The following PATL1 variants were observed in gnomAD, a reference collection of about 807,000 sequenced individuals.
The protein encoded by PATL1 is protein PAT1 homolog 1.
Under a neutral mutation model 100.6 loss-of-function variants are expected in PATL1, and 32 were observed. The ratio of observed to expected loss-of-function variants is 0.32; its 90% CI spans 0.24 to 0.43. The LOEUF (loss-of-function observed/expected upper bound fraction) is 0.43, where lower values mean the gene tolerates loss of function less well. Among genes scored for constraint, PATL1 ranks in the 20% least tolerant of loss-of-function variants. The pLI, the probability that PATL1 is intolerant of heterozygous loss-of-function variation, is 1.00. For missense variants in PATL1, 747 were observed against 949.9 expected (o/e 0.79, Z 2.81); for synonymous variants, 332 against 330.0 (o/e 1.01, Z -0.07).
In PATL1 at chr11:59,659,301, A is replaced by G; in HGVS notation, c.296T>C (p.Leu99Pro). 6.4e-7 allele frequency: 1 copy of G among 1,551,436 alleles called. No individual in the cohort carries two copies. The highest frequency in any genetic ancestry group is 8.7e-7 in the Non-Finnish European group (1 of 1,146,816). Residue 99 changes from leucine to proline, a missense_variant, in exon 3 of 19, where the codon CTA becomes CCA. Leu to Pro is a moderately conservative substitution (Grantham distance 98). Coordinates refer to ENST00000300146, the MANE Select transcript of PATL1 (RefSeq NM_152716.3). ...RLSKMVIENELEDPAIMRAVQ... is the reference protein window; with the variant it reads ...RLSKMVIENEPEDPAIMRAVQ... ...TGCCCTCATAATAGCTGGATCTTCT[A>G]GTTCATTTTCAATCACCATCTTACT...
chr11:59,651,804 CCT>C (rs1861447389), intron 11 of PATL1, among the ~76,000 whole-genome samples, 163 bp from the exon 12 acceptor site: 1 of 151,962 alleles, frequency 6.6e-6, no homozygotes, highest in Non-Finnish European at 1.5e-5. Context: ...GTAACTCACA[CCT>C]GTTATCTCAG....
At chr11:59,645,321 A>G in intron 15 of PATL1, among the ~76,000 whole-genome samples, 1 of 7,688 alleles carries the variant, frequency 1.3e-4, no homozygotes, top group Non-Finnish European at 2.7e-4. Flanking sequence ...GGGTGGTGGC[A>G]GGGCAGAGGG....
In PATL1 at chr11:59,650,815, TAA is replaced by T; in HGVS notation, c.1525-4_1525-3del. On this transcript the variant is annotated splice_region_variant and splice_polypyrimidine_tract_variant and intron_variant, in intron 12 of 18. Coordinates refer to ENST00000300146, the MANE Select transcript of PATL1 (RefSeq NM_152716.3). ...TCGAACTTGTTTTTCTTTTGTCTCC[TAA>T]AAAAGAGAAGACTATTCAATGCAAA... 1 of 1,545,752 alleles carries T rather than the reference TAA, an allele frequency of 6.5e-7. No individual in the cohort carries two copies. Among genetic ancestry groups the T allele is most frequent in the Admixed American group, 2.0e-5 (1 of 50,460 alleles).
chr11:59,649,651 A>T, intron 13 of PATL1, 41 bp from the exon 14 acceptor site: 1 of 1,589,982 alleles, frequency 6.3e-7, no homozygotes, highest in Non-Finnish European at 8.6e-7. Flanking sequence ...ATGCTAGGTC[A>T]GAACCACAGT....
At chr11:59,648,022 C>G in intron 14 of PATL1, 109 bp from the exon 15 acceptor site, 1 of 912,322 alleles carries the variant, frequency 1.1e-6, no homozygotes, top group Non-Finnish European at 1.6e-6. Flanking sequence ...TTTTCATTCT[C>G]TAATAACCTG....
Position 59,662,009 on chromosome 11 carries a change from AAACT to A in PATL1, c.128-2544_128-2541del, listed in dbSNP as rs1390298287. On this transcript the variant is annotated intron_variant, in intron 2 of 18. Transcript: ENST00000300146. ...TAGCATTTTATGTGACTATTTAAATAAACTAATTTCCTTTTAGAATCAGATTACA... is the reference window on the plus strand; with the variant it reads ...TAGCATTTTATGTGACTATTTAAATAAATTTCCTTTTAGAATCAGATTACA... 5.9e-5 allele frequency among the ~76,000 whole-genome samples: 9 copies of A among 152,236 alleles called. 1 individual carries two copies. The highest frequency in any genetic ancestry group is 5.9e-4 in the Admixed American group (9 of 15,280).
intron 2 of PATL1, 94 bp from the exon 3 acceptor site, chr11:59,659,563 ACT>A (rs1480695356): frequency 8.3e-7 from 1 of 1,206,660 alleles, no homozygotes; most frequent in African/African-American, 1.5e-5. Context: ...ACAGAGTCTC[ACT>A]CTGTCGCCCA....
intron 13 of PATL1, among the ~76,000 whole-genome samples, chr11:59,650,416 A>C (rs1861424965): frequency 6.6e-6 from 1 of 152,234 alleles, no homozygotes; most frequent in Non-Finnish European, 1.5e-5. Flanking sequence ...TGTGAACTAA[A>C]TTAATCCACA....
At chr11:59,659,665 G>C (rs1239851395) in intron 2 of PATL1, among the ~76,000 whole-genome samples, 196 bp from the exon 3 acceptor site, 1 of 151,868 alleles carries the variant, frequency 6.6e-6, no homozygotes, top group African/African-American at 2.4e-5. Context: ...CAAGTAGCTG[G>C]AGTAGCTGGG....
chr11:59,651,801 A>C (rs986670668), intron 11 of PATL1, among the ~76,000 whole-genome samples, 160 bp from the exon 12 acceptor site: 3 of 152,182 alleles, frequency 2.0e-5, no homozygotes, highest in African/African-American at 7.2e-5. Context: ...GTGGTAACTC[A>C]CACCTGTTAT....
At chr11:59,654,214 C>T (rs952846340) in intron 8 of PATL1, 142 bp from the exon 9 acceptor site, 23 of 670,164 alleles carry the variant, frequency 3.4e-5, no homozygotes, top group South Asian at 1.6e-4. Context: ...CGGTGACTCA[C>T]GCCTGTAATC....
intron 2 of PATL1, among the ~76,000 whole-genome samples, chr11:59,661,148 T>A (rs1261554613): frequency 1.3e-5 from 2 of 152,166 alleles, no homozygotes; most frequent in Non-Finnish European, 2.9e-5. Context: ...TGCAATGGCG[T>A]GATCTGGCTC....
intron 4 of PATL1, 34 bp from the exon 5 acceptor site, chr11:59,657,758 T>G: frequency 6.7e-7 from 1 of 1,488,804 alleles, no homozygotes; most frequent in East Asian, 2.3e-5. Flanking sequence ...AAATAGAAAT[T>G]AACTAACTTG....
intron 16 of PATL1, chr11:59,639,902 C>T (rs12280606): frequency 0.17 from 26,048 of 152,456 alleles, 4,084 homozygotes; most frequent in African/African-American, 0.41. Flanking sequence ...GAGAAACTTT[C>T]CATTAAAAAG....
At chr11:59,647,990 C>A (rs1313461450) in intron 14 of PATL1, 77 bp from the exon 15 acceptor site, 3 of 1,310,788 alleles carry the variant, frequency 2.3e-6, no homozygotes, top group Admixed American at 4.7e-5. Flanking sequence ...TTAGATGTTA[C>A]TGAATGAATA....
At chr11:59,640,948 G>T (rs1861269060) in intron 16 of PATL1, among the ~76,000 whole-genome samples, 1 of 152,086 alleles carries the variant, frequency 6.6e-6, no homozygotes, top group Non-Finnish European at 1.5e-5. Flanking sequence ...GAGGCAGGTG[G>T]ATCACGTGAG....
At chr11:59,656,717 A>G (rs1861541179) in intron 5 of PATL1, 117 bp from the exon 6 acceptor site, 1 of 839,638 alleles carries the variant, frequency 1.2e-6, no homozygotes, top group South Asian at 1.7e-5. Context: ...CCTACTTCTA[A>G]GCAAATTGCT....
Position 59,647,891 on chromosome 11 carries a change from G to C in PATL1, c.1756C>G (p.Gln586Glu). 1 of 1,610,126 alleles carries C rather than the reference G, an allele frequency of 6.2e-7. No individual in the cohort carries two copies. The highest frequency in any genetic ancestry group is 8.5e-7 in the Non-Finnish European group (1 of 1,177,334). ...TTCCCTTTTCGGATACACATGATCTGTACAAAGTGGTCATCACTAGGCCTG... is the reference window on the plus strand; with the variant it reads ...TTCCCTTTTCGGATACACATGATCTCTACAAAGTGGTCATCACTAGGCCTG... ...QERPSDDHFVQIMCIRKGKRM... is the reference protein window; with the variant it reads ...QERPSDDHFVEIMCIRKGKRM... The change falls in exon 15 of 19, where the codon CAG becomes GAG. Residue 586 changes from glutamine to glutamate, a missense_variant. By Grantham distance (29) the Gln-to-Glu change is conservative (BLOSUM62 2). Around this residue, in one of 4 missense-constraint regions of PATL1, gnomAD observed 434 missense variants for 596.1 expected, o/e 0.73. Transcript: ENST00000300146.
Position 59,643,021 on chromosome 11 carries a change from T to A in PATL1, c.1908A>T (p.Leu636Phe). 1 of 1,613,900 alleles carries A rather than the reference T, an allele frequency of 6.2e-7. No individual in the cohort carries two copies. Among genetic ancestry groups the A allele is most frequent in the Non-Finnish European group, 8.5e-7 (1 of 1,179,848 alleles). ...KDAQDEVLPC[L>F]LSPFSLLLYH... ...AGAGAAGGAGAGAGAAGGGACTCAG[T>A]AAGCATGGCAGCACCTACAAAAAAC... Residue 636 changes from leucine to phenylalanine, a missense_variant, in exon 16 of 19, where the codon TTA (leucine) becomes TTT (phenylalanine). Leu to Phe is a conservative substitution (Grantham distance 22). This residue lies in a region of PATL1 where 434 missense variants were observed against 596.1 expected (regional missense o/e 0.73). Transcript: ENST00000300146.
Sources: allele counts gnomAD v4.1 joint callset (sites outside exome capture counted in the v4.1 genomes callset), GRCh38; gene constraint gnomAD v4.1.1; regional missense constraint gnomAD v4.1.1; transcripts MANE v1.5; gene names NCBI Gene and HGNC (gene_info 2026-07-23, HGNC 2026-07-21).